The following VAT1L variants were observed in gnomAD, a reference collection of about 807,000 sequenced individuals.
The protein encoded by VAT1L is vesicle amine transport 1 like.
Under a neutral mutation model 44.1 loss-of-function variants are expected in VAT1L, and 34 were observed. That is an observed-to-expected ratio of 0.77 (90% CI 0.59 to 1.03). The LOEUF (loss-of-function observed/expected upper bound fraction) is 1.03. VAT1L is among the 50% of genes least tolerant of loss of function. The probability of loss-of-function intolerance (pLI) is 0.00; values close to 1 mark genes in which losing one functional copy is unlikely to be tolerated. For missense variants in VAT1L, 615 were observed against 538.8 expected (o/e 1.14, Z -1.40); for synonymous variants, 253 against 202.2 (o/e 1.25, Z -2.13).
At chr16:77,831,957 A>T (rs954731517) in intron 3 of VAT1L, among the ~76,000 whole-genome samples, 3 of 148,176 alleles carry the variant, frequency 2.0e-5, no homozygotes, top group African/African-American at 7.5e-5. Flanking sequence ...CTGGGACTAC[A>T]GGCGCCCACC....
chr16:77,839,248 C>A (rs1423281675), intron 3 of VAT1L, among the ~76,000 whole-genome samples: 1 of 151,772 alleles, frequency 6.6e-6, no homozygotes, highest in African/African-American at 2.4e-5. Context: ...GAATGGGCAA[C>A]AACACGGCCG....
intron 3 of VAT1L, among the ~76,000 whole-genome samples, chr16:77,852,720 C>T (rs2016819508): frequency 6.6e-6 from 1 of 152,122 alleles, no homozygotes; most frequent in Non-Finnish European, 1.5e-5. Flanking sequence ...GGTGGTTCCC[C>T]TTCCTTCTCT....
chr16:77,813,294 T>C (rs748064580), intron 1 of VAT1L, among the ~76,000 whole-genome samples: 1 of 152,222 alleles, frequency 6.6e-6, no homozygotes, highest in Non-Finnish European at 1.5e-5. Flanking sequence ...AAAGTTATTT[T>C]TGTCTGAAGA....
chr16:77,849,692 A>G (rs1271974940), intron 3 of VAT1L, among the ~76,000 whole-genome samples: 1 of 152,208 alleles, frequency 6.6e-6, no homozygotes, highest in Non-Finnish European at 1.5e-5. Flanking sequence ...GAATAGAACT[A>G]AACATCCCAG....
Position 77,977,710 on chromosome 16 carries a change from G to A in VAT1L, c.*15G>A, listed in dbSNP as rs1159507706. 3.7e-6 allele frequency: 6 copies of A among 1,611,430 alleles called. No homozygotes were observed. In the Admixed American group the frequency reaches 5.0e-5, roughly 13 times the overall value. On this transcript the variant is annotated 3_prime_UTR_variant, in exon 9 of 9. Coordinates refer to ENST00000302536, the MANE Select transcript of VAT1L (RefSeq NM_020927.3). ...TTATCCAGTAACTGAGGACCCAGGT[G>A]GGAGAATGTGAAGGATGGTTTGGAA...
rs572760919 is a variant in VAT1L, at chr16:77,821,356, A to G, written c.364-3890A>G. ...CACTCTGTTGCCCAGGCTGAAGTGCACTGGCATGATCTCAGCTCACCACAA... is the reference window on the plus strand; with the variant it reads ...CACTCTGTTGCCCAGGCTGAAGTGCGCTGGCATGATCTCAGCTCACCACAA... On this transcript the variant is annotated intron_variant, in intron 2 of 8. Transcript: ENST00000302536. Among the ~76,000 whole-genome samples the G allele has an allele frequency of 1.9e-4, 28 of 148,870 alleles. No individual in the cohort carries two copies. In the East Asian group the frequency reaches 5.5e-3, roughly 29 times the overall value.
At chr16:77,972,035 G>C in intron 8 of VAT1L, 102 bp downstream of exon 8, 1 of 1,103,218 alleles carries the variant, frequency 9.1e-7, no homozygotes, top group Non-Finnish European at 1.3e-6. Flanking sequence ...CAGGTAGCCT[G>C]TGGGCTAGTG....
chr16:77,866,025 T>G (rs72791002), intron 4 of VAT1L, among the ~76,000 whole-genome samples: 5 of 152,196 alleles, frequency 3.3e-5, no homozygotes, highest in African/African-American at 4.8e-5. Flanking sequence ...CCTTCAAAGG[T>G]GACTTCCCAC....
chr16:77,950,252 T>C (rs2018025591), intron 7 of VAT1L, among the ~76,000 whole-genome samples: 1 of 151,946 alleles, frequency 6.6e-6, no homozygotes, highest in African/African-American at 2.4e-5. Context: ...CTACTAAAAA[T>C]ACAAAAATTA....
In VAT1L at chr16:77,921,589, C is replaced by T. The variant is rs80208991; in HGVS notation, c.1077+36787C>T. Among the ~76,000 whole-genome samples, 107 of 152,268 alleles carry T rather than the reference C, an allele frequency of 7.0e-4. 1 individual carries two copies. In the East Asian group the frequency reaches 0.017, roughly 25 times the overall value. On this transcript the variant is annotated intron_variant, in intron 7 of 8. Transcript: ENST00000302536. ...TAAACCTATGCAGGACCTTTCGTATCTATTTTATCTGTTCCTCTTACCTGT... is the reference window on the plus strand; with the variant it reads ...TAAACCTATGCAGGACCTTTCGTATTTATTTTATCTGTTCCTCTTACCTGT...
chr16:77,885,042 G>A (rs2017195925), intron 7 of VAT1L, among the ~76,000 whole-genome samples: 1 of 152,156 alleles, frequency 6.6e-6, no homozygotes, highest in South Asian at 2.1e-4. Flanking sequence ...ACCCTTCCCA[G>A]GTAAGGCCAC....
rs532111959 is a variant in VAT1L at position 77,818,075 on chromosome 16, C to A, written c.363+1025C>A. Among the ~76,000 whole-genome samples the A allele has an allele frequency of 2.6e-5, 4 of 152,260 alleles. No homozygotes were observed. In the East Asian group the frequency reaches 7.7e-4, roughly 29 times the overall value. ...ACCACTAGAACCCGGATTCAAATCA[C>A]CAGAGCTTGTTTATCCTTCCTACAG... On this transcript the variant is annotated intron_variant, in intron 2 of 8. Coordinates refer to ENST00000302536, the MANE Select transcript of VAT1L (RefSeq NM_020927.3).
intron 7 of VAT1L, among the ~76,000 whole-genome samples, chr16:77,904,361 C>G (rs2017418111): frequency 6.6e-6 from 1 of 152,056 alleles, no homozygotes; most frequent in Non-Finnish European, 1.5e-5. Flanking sequence ...AACAAAATAT[C>G]AAAGACTGAG....
intron 7 of VAT1L, among the ~76,000 whole-genome samples, chr16:77,948,393 C>G (rs904680337): frequency 6.6e-6 from 1 of 152,186 alleles, no homozygotes; most frequent in Non-Finnish European, 1.5e-5. Flanking sequence ...GAAATCCAAA[C>G]CCCTCATTTG....
chr16:77,842,856 A>G (rs926940244), intron 3 of VAT1L, among the ~76,000 whole-genome samples: 3 of 152,228 alleles, frequency 2.0e-5, no homozygotes, highest in East Asian at 1.9e-4. Flanking sequence ...ATTTGTATGC[A>G]TAATATGTAT....
At chr16:77,867,104 T>G (rs144588707) in intron 4 of VAT1L, among the ~76,000 whole-genome samples, 1 of 152,264 alleles carries the variant, frequency 6.6e-6, no homozygotes, top group South Asian at 2.1e-4. Context: ...TCCTGCAAGG[T>G]GAACATTCCT....
At chr16:77,916,137 C>T (rs971781028) in intron 7 of VAT1L, among the ~76,000 whole-genome samples, 5 of 152,116 alleles carry the variant, frequency 3.3e-5, no homozygotes, top group African/African-American at 7.2e-5. Flanking sequence ...GGTAGTAGCA[C>T]GGTAGGGTCT....
chr16:77,880,144 G>T (rs28473449), intron 6 of VAT1L, among the ~76,000 whole-genome samples: 1 of 152,108 alleles, frequency 6.6e-6, no homozygotes, highest in Admixed American at 6.6e-5. Flanking sequence ...ATACTTGCTA[G>T]AATTATACTG....
At chr16:77,853,354 A>G (rs1375087051) in intron 3 of VAT1L, among the ~76,000 whole-genome samples, 1 of 152,218 alleles carries the variant, frequency 6.6e-6, no homozygotes, top group Non-Finnish European at 1.5e-5. Flanking sequence ...GATTGCTACA[A>G]TGCCATAATT....
Sources: allele counts gnomAD v4.1 joint callset (sites outside exome capture counted in the v4.1 genomes callset), GRCh38; gene constraint gnomAD v4.1.1; transcripts MANE v1.5; gene names NCBI Gene and HGNC (gene_info 2026-07-23, HGNC 2026-07-21).